The following OVAAL variants were observed in gnomAD, a reference collection of about 807,000 sequenced individuals.
OVAAL encodes ovarian adenocarcinoma amplified long non-coding RNA.
At chr1:180,562,595 A>G (rs183975276) in intron 2 of OVAAL, among the ~76,000 whole-genome samples, 78 of 152,322 alleles carry the variant, frequency 5.1e-4, no homozygotes, top group South Asian at 2.7e-3. Context: ...AAAGGGGCAA[A>G]TTTGATAACC....
chr1:180,559,322 T>C (rs1393189620), intron 1 of OVAAL, among the ~76,000 whole-genome samples: 1 of 152,130 alleles, frequency 6.6e-6, no homozygotes, highest in East Asian at 1.9e-4. Flanking sequence ...GATAGTGATA[T>C]GGACAATAAG....
At chr1:180,564,127 C>T (rs1296449753) in intron 2 of OVAAL, among the ~76,000 whole-genome samples, 1 of 152,098 alleles carries the variant, frequency 6.6e-6, no homozygotes, top group Non-Finnish European at 1.5e-5. Flanking sequence ...ATGTGGATGT[C>T]TCTGGATAAT....
intron 2 of OVAAL, among the ~76,000 whole-genome samples, chr1:180,565,010 T>C (rs1211734748): frequency 6.6e-6 from 1 of 152,144 alleles, no homozygotes; most frequent in Non-Finnish European, 1.5e-5. Flanking sequence ...ATACCCTCTT[T>C]GTAGTATTGG....
intron 2 of OVAAL, among the ~76,000 whole-genome samples, chr1:180,564,666 T>C (rs1285249816): frequency 6.6e-6 from 1 of 152,100 alleles, no homozygotes; most frequent in Non-Finnish European, 1.5e-5. Context: ...GTGCTTGGGG[T>C]GAGCCAGGCC....
chr1:180,562,816 A>G (rs1037486706), intron 2 of OVAAL, among the ~76,000 whole-genome samples: 1 of 152,258 alleles, frequency 6.6e-6, no homozygotes, highest in African/African-American at 2.4e-5. Flanking sequence ...TGAGCAGGCC[A>G]CTATAGTTAG....
intron 2 of OVAAL, among the ~76,000 whole-genome samples, chr1:180,563,849 C>G (rs1443737899): frequency 6.6e-6 from 1 of 152,152 alleles, no homozygotes; most frequent in Non-Finnish European, 1.5e-5. Flanking sequence ...TCACCAGTTT[C>G]AGGTTTCTTC....
intron 1 of OVAAL, among the ~76,000 whole-genome samples, chr1:180,560,621 T>G (rs1486940526): frequency 1.3e-5 from 2 of 152,164 alleles, no homozygotes; most frequent in Non-Finnish European, 2.9e-5. Flanking sequence ...TGGTTTTATT[T>G]TATAGATCTA....
At chr1:180,563,804 G>A (rs941742512) in intron 2 of OVAAL, among the ~76,000 whole-genome samples, 2 of 152,072 alleles carry the variant, frequency 1.3e-5, no homozygotes, top group African/African-American at 2.4e-5. Flanking sequence ...GAGTCCGCAC[G>A]CCCAACTCCT....
chr1:180,559,002 T>C (rs1653151402), intron 1 of OVAAL: 1 of 154,560 alleles, frequency 6.5e-6, no homozygotes. Context: ...GAAGTGCCTT[T>C]CACCACCCCC....
intron 2 of OVAAL, among the ~76,000 whole-genome samples, chr1:180,563,287 G>A (rs138698553): frequency 6.6e-6 from 1 of 152,308 alleles, no homozygotes; most frequent in Non-Finnish European, 1.5e-5. Flanking sequence ...GAAAACCAGA[G>A]ATCTCTTATG....
At chr1:180,560,646 A>G (rs1217456842) in intron 1 of OVAAL, among the ~76,000 whole-genome samples, 1 of 152,218 alleles carries the variant, frequency 6.6e-6, no homozygotes, top group Non-Finnish European at 1.5e-5. Context: ...GTTCACATAC[A>G]TTAGAAATGA....
At chr1:180,559,299 T>C (rs1006999854) in intron 1 of OVAAL, among the ~76,000 whole-genome samples, 1 of 152,180 alleles carries the variant, frequency 6.6e-6, no homozygotes, top group Non-Finnish European at 1.5e-5. Context: ...GGTGAATGAC[T>C]GATAAAAATG....
At chr1:180,565,945 A>T (rs920710217) in exon 3 of OVAAL, 2 of 152,222 alleles carry the variant, frequency 1.3e-5, no homozygotes, top group African/African-American at 2.4e-5. Context: ...AAGAGATTAC[A>T]GTGCTTTTTA....
At chr1:180,566,366 T>C (rs1253289555) in exon 3 of OVAAL, 1 of 152,230 alleles carries the variant, frequency 6.6e-6, no homozygotes, top group Non-Finnish European at 1.5e-5. Context: ...TTGAAAAATA[T>C]GTTTTCTTTG....
chr1:180,560,712 C>T (rs1653185107), intron 1 of OVAAL, among the ~76,000 whole-genome samples: 1 of 152,210 alleles, frequency 6.6e-6, no homozygotes, highest in African/African-American at 2.4e-5. Flanking sequence ...ATTCAGCCCA[C>T]TAAATGTTCA....
At chr1:180,564,615 T>C (rs1167782092) in intron 2 of OVAAL, among the ~76,000 whole-genome samples, 1 of 152,148 alleles carries the variant, frequency 6.6e-6, no homozygotes, top group Admixed American at 6.5e-5. Flanking sequence ...TCAGCTTTCT[T>C]AAATGTCTCT....
chr1:180,564,688 G>A (rs1653262553), intron 2 of OVAAL, among the ~76,000 whole-genome samples: 1 of 152,130 alleles, frequency 6.6e-6, no homozygotes, highest in African/African-American at 2.4e-5. Context: ...GCAGGTGAGT[G>A]TCCTCAGTTG....
exon 3 of OVAAL, chr1:180,566,478 C>A (rs1653289775): frequency 6.6e-6 from 1 of 152,224 alleles, no homozygotes; most frequent in African/African-American, 2.4e-5. Flanking sequence ...ATTTTACAAG[C>A]TTTTGAAAAC....
At chr1:180,561,082 G>T (rs917870137) in intron 1 of OVAAL, among the ~76,000 whole-genome samples, 1 of 152,098 alleles carries the variant, frequency 6.6e-6, no homozygotes, top group East Asian at 1.9e-4. Context: ...GGCACAAAAA[G>T]GCTATCAGGA....
Sources: allele counts gnomAD v4.1 joint callset (sites outside exome capture counted in the v4.1 genomes callset), GRCh38; gene constraint gnomAD v4.1.1; transcripts MANE v1.5; gene names NCBI Gene and HGNC (gene_info 2026-07-23, HGNC 2026-07-21).